The following CLEC10A variants were observed in gnomAD, a reference collection of about 807,000 sequenced individuals.
CLEC10A encodes the protein C-type lectin domain containing 10A.
CLEC10A carries 38 observed loss-of-function variants against 42.0 expected under a neutral mutation model. The ratio of observed to expected loss-of-function variants is 0.90; its 90% CI spans 0.70 to 1.18. CLEC10A has a LOEUF of 1.18. Ranked by LOEUF, CLEC10A falls within the 50% of genes most tolerant of loss-of-function variation. The pLI is 0.00. For synonymous variants in CLEC10A, 126 were observed against 139.9 expected (o/e 0.90, Z 0.70); for missense variants, 298 against 345.9 (o/e 0.86, Z 1.10).
chr17:7,076,706 C>T (rs373739789), intron 5 of CLEC10A, 27 bp downstream of exon 5: 145 of 1,612,550 alleles, frequency 9.0e-5, no homozygotes, highest in Non-Finnish European at 1.2e-4. Flanking sequence ...CCTAGCCCCC[C>T]ACACCCATAC....
intron 2 of CLEC10A, 170 bp downstream of exon 2, chr17:7,078,576 C>T: frequency 1.5e-6 from 1 of 663,098 alleles, no homozygotes; most frequent in Non-Finnish European, 2.7e-6. Context: ...CTGTCCCAGT[C>T]TTTCTAGAGA....
Position 7,076,816 on chromosome 17 carries a change from G to A in CLEC10A, c.281-12C>T, listed in dbSNP as rs144363492. The A allele has an allele frequency of 2.9e-4, 461 of 1,613,876 alleles. 4 individuals are homozygous for A. The South Asian group carries it at 4.0e-3, about 14-fold the overall frequency. Reference sequence around the variant, plus strand: ...TTCCAAGCTGCTGCCTGGAGGACACGGAGACTTGGCTTAGGGGTCAACTTC... The same window carrying A: ...TTCCAAGCTGCTGCCTGGAGGACACAGAGACTTGGCTTAGGGGTCAACTTC... On this transcript the variant is annotated splice_polypyrimidine_tract_variant and intron_variant, in intron 4 of 8. Transcript: ENST00000416562.
intron 5 of CLEC10A, chr17:7,076,283 C>T: frequency 1.4e-6 from 1 of 702,514 alleles, no homozygotes; most frequent in South Asian, 2.3e-5. Flanking sequence ...CCAGAGAAAG[C>T]ATGCTGCCTT....
chr17:7,077,011 A>G lies in CLEC10A; in HGVS notation c.185-24T>C, dbSNP rs1419533200. On this transcript the variant is annotated intron_variant, in intron 3 of 8. Transcript: ENST00000416562. ...ATCTAAACAGGTGGATGGGAAGGTC[A>G]GTGCTGGGATTCATCAGGTCCTCTG... 3.2e-6 allele frequency: 5 copies of G among 1,538,582 alleles called. No individual in the cohort carries two copies. In the South Asian group the frequency reaches 3.3e-5, roughly 10 times the overall value.
At chr17:7,075,659 T>C (rs761029379) in intron 7 of CLEC10A, 72 bp downstream of exon 7, 10 of 1,607,918 alleles carry the variant, frequency 6.2e-6, no homozygotes, top group East Asian at 2.2e-5. Context: ...ATGATTCCAA[T>C]GTGCGGCCAA....
At position 7,075,415 on chromosome 17, in the gene CLEC10A, C is replaced by G; in HGVS notation, c.646G>C (p.Asp216His). 2 of 1,523,000 alleles carry G rather than the reference C, an allele frequency of 1.3e-6. No individual in the cohort carries two copies. Among genetic ancestry groups the G allele is most frequent in the Non-Finnish European group, 1.8e-6 (2 of 1,138,734 alleles). 94.3% of individuals were successfully genotyped at this position (1,523,000 alleles called of 1,614,324 possible). Reference protein sequence around the residue: ...GSAYTWMGLSDPEGAWKWVDG... With the variant: ...GSAYTWMGLSHPEGAWKWVDG... ...ACCCACTTCCAGGCTCCTTCAGGGT[C>G]ACTGAGGCCCATCCAGGTGTATGCG... The change falls in exon 8 of 9, where the codon GAC becomes CAC. Residue 216 changes from aspartate to histidine, a missense_variant. This residue lies in a region of CLEC10A where 267 missense variants were observed against 289.5 expected (regional missense o/e 0.92). Transcript: ENST00000416562.
chr17:7,075,282 G>A (rs1487321921), intron 8 of CLEC10A, 60 bp from the exon 9 acceptor site: 23 of 1,507,838 alleles, frequency 1.5e-5, no homozygotes, highest in Non-Finnish European at 1.9e-5. Context: ...TCAGTTCAGG[G>A]GAGGAGAGGC....
chr17:7,075,171 T>C lies in CLEC10A; in HGVS notation c.753A>G (p.Gly251=). 2 of 1,594,872 alleles carry C rather than the reference T, an allele frequency of 1.3e-6. No individual in the cohort carries two copies. The highest frequency in any genetic ancestry group is 1.1e-5 in the South Asian group (1 of 88,308). ...PDDWQGHGLG[G]GEDCAHFHPD... is the part of the protein sequence containing the mutation. ...GATGGAAGTGAGCACAGTCCTCGCCTCCACCCAGCCCGTGCCCCTGCCAGT... is the reference window on the plus strand; with the variant it reads ...GATGGAAGTGAGCACAGTCCTCGCCCCCACCCAGCCCGTGCCCCTGCCAGT... Residue 251 remains glycine, a synonymous_variant, in exon 9 of 9, where the codon GGA becomes GGG. Transcript: ENST00000416562.
intron 6 of CLEC10A, 43 bp from the exon 7 acceptor site, chr17:7,075,928 T>G: frequency 6.2e-7 from 1 of 1,611,910 alleles, no homozygotes; most frequent in Non-Finnish European, 8.5e-7. Context: ...GCTGAGGCTC[T>G]GCCCAGTGGG....
In CLEC10A at chr17:7,076,719, G is replaced by A. The variant is rs376448647; in HGVS notation, c.352+14C>T. On this transcript the variant is annotated intron_variant, in intron 5 of 8. Coordinates refer to ENST00000416562, the MANE Select transcript of CLEC10A (RefSeq NM_001330070.2). ...CGCCTAGCCCCCCACACCCATACTC[G>A]GAGGGTCTCTCACCTGCCTGCCGTT... 4.3e-4 allele frequency: 699 copies of A among 1,613,168 alleles called. 1 individual carries two copies. The highest frequency in any genetic ancestry group is 5.2e-4 in the Non-Finnish European group (611 of 1,179,704).
chr17:7,078,004 T>G lies in CLEC10A; in HGVS notation c.177A>C (p.Gly59=). The G allele has an allele frequency of 1.2e-6, 2 of 1,611,598 alleles. No individual in the cohort carries two copies. Among genetic ancestry groups the G allele is most frequent in the Non-Finnish European group, 1.7e-6 (2 of 1,177,916 alleles). Residue 59 remains glycine (G), a synonymous_variant, in exon 3 of 9, where the codon GGA becomes GGC. Transcript: ENST00000416562. ...CACCCCTGTGACCCTCACTTTGGAA[T>G]CCAACCACACAGATGATGACCAGCA... ...LLLLVIICVV[G]FQNSKFQRDL...
At position 7,074,857 on chromosome 17, in the gene CLEC10A, A is replaced by G. The variant is rs962854276; in HGVS notation, c.*197T>C. On this transcript the variant is annotated 3_prime_UTR_variant, in exon 9 of 9. Transcript: ENST00000416562. ...TATACCTTCATGAAGTTGACTTTCA[A>G]AAGTTGGAAAAAAAATAAAAGCTTA... 7 of 415,118 alleles carry G rather than the reference A, an allele frequency of 1.7e-5. No homozygotes were observed. The highest frequency in any genetic ancestry group is 2.9e-5 in the Non-Finnish European group (7 of 240,392). The allele number at this position is 415,118 out of a possible 1,614,324, so 25.7% of individuals were successfully genotyped here.
intron 2 of CLEC10A, 107 bp downstream of exon 2, chr17:7,078,639 A>T: frequency 9.2e-7 from 1 of 1,085,296 alleles, no homozygotes; most frequent in Non-Finnish European, 1.4e-6. Flanking sequence ...TGACCTCCTC[A>T]GAGTTAGGAC....
Position 7,076,934 on chromosome 17 carries a change from T to C in CLEC10A, c.238A>G (p.Thr80Ala), listed in dbSNP as rs1327687942. The C allele has an allele frequency of 6.2e-7, 1 of 1,613,744 alleles. No homozygotes were observed. The highest frequency in any genetic ancestry group is 8.5e-7 in the Non-Finnish European group (1 of 1,179,952). The change falls in exon 4 of 9, where the codon ACC becomes GCC. Residue 80 changes from threonine (T) to alanine (A), a missense_variant. By Grantham distance (58) the Thr-to-Ala change is moderately conservative (BLOSUM62 0). Around this residue, in one of 3 missense-constraint regions of CLEC10A, gnomAD observed 267 missense variants for 289.5 expected, o/e 0.92. Transcript: ENST00000416562. ...TGGATCTCCGCCACAGTGTTTGAGG[T>C]GAAGTTGCTAAAATCTGTTCTCAGG... is the stretch of plus-strand genomic sequence containing the variant. ...VTLRTDFSNF[T>A]SNTVAEIQAL...
At chr17:7,076,107 C>A in intron 5 of CLEC10A, 36 bp from the exon 6 acceptor site, 1 of 1,614,114 alleles carries the variant, frequency 6.2e-7, no homozygotes, top group Non-Finnish European at 8.5e-7. Context: ...GGGACAGTGG[C>A]CTAGGTGTGC....
chr17:7,075,712 G>A lies in CLEC10A; in HGVS notation c.594+19C>T. ...CTAAATGGGACATGTCTTAGGAACT[G>A]AGTACCAGAAGCCCTCACCTGCTCC... On this transcript the variant is annotated intron_variant, in intron 7 of 8. Transcript: ENST00000416562. 1 of 1,614,202 alleles carries A rather than the reference G, an allele frequency of 6.2e-7. No homozygotes were observed. The highest frequency in any genetic ancestry group is 1.1e-5 in the South Asian group (1 of 91,078).
At chr17:7,076,604 G>A (rs1391785190) in intron 5 of CLEC10A, 129 bp downstream of exon 5, 24 of 1,057,938 alleles carry the variant, frequency 2.3e-5, no homozygotes, top group South Asian at 9.0e-5. Flanking sequence ...GAACCACTGC[G>A]CCCGGCCTGC....
rs732828 is a variant in CLEC10A at position 7,078,034 on chromosome 17, G to C, written c.147C>G (p.Leu49=). Residue 49 remains leucine, a synonymous_variant, in exon 3 of 9, where the codon CTC becomes CTG. Transcript: ENST00000416562. ...CHLLLSLGLG[L]LLLVIICVVG... ...CCACACAGATGATGACCAGCAGCAG[G>C]AGGCCGAGGCCCAGGGACAGCAGGA... The C allele has an allele frequency of 0.3, 476,866 of 1,611,378 alleles. 79,240 individuals carry two copies. The highest frequency in any genetic ancestry group is 0.72 in the African/African-American group (53,814 of 74,872).
chr17:7,075,283 G>A (rs1176723638), intron 8 of CLEC10A, 61 bp from the exon 9 acceptor site: 5 of 1,507,952 alleles, frequency 3.3e-6, no homozygotes, highest in Non-Finnish European at 4.4e-6. Flanking sequence ...CAGTTCAGGG[G>A]AGGAGAGGCT....
Sources: gnomAD v4.1 joint callset for allele counts on GRCh38, gnomAD v4.1.1 for gene constraint, gnomAD v4.1.1 regional missense constraint, MANE v1.5 for transcripts, NCBI Gene and HGNC (gene_info 2026-07-23, HGNC 2026-07-21) for gene names.